SLC35A3: variants seen among roughly 807,000 people sequenced by gnomAD.
SLC35A3 encodes UDP-N-acetylglucosamine transporter.
In SLC35A3, 26 loss-of-function variants were observed where a neutral mutation model predicts 39.0. The ratio of observed to expected loss-of-function variants is 0.67; its 90% CI spans 0.49 to 0.92. The LOEUF (loss-of-function observed/expected upper bound fraction) is 0.92. Ranked by LOEUF, SLC35A3 falls within the 40% of genes least tolerant of loss-of-function variation. The pLI, the probability that SLC35A3 is intolerant of heterozygous loss-of-function variation, is 0.00. For missense variants in SLC35A3, 299 were observed against 371.6 expected (o/e 0.80, Z 1.61); for synonymous variants, 135 against 133.1 (o/e 1.01, Z -0.10).
intron 1 of SLC35A3, among the ~76,000 whole-genome samples, chr1:99,981,169 A>G (rs72965756): frequency 8.9e-4 from 136 of 152,218 alleles, no homozygotes; most frequent in African/African-American, 3.1e-3. Flanking sequence ...CTGTTGATTT[A>G]TTTGGAAAAA....
intron 1 of SLC35A3, chr1:99,978,949 T>C (rs1446054414): frequency 1.3e-5 from 2 of 152,212 alleles, no homozygotes; most frequent in Non-Finnish European, 1.5e-5. Flanking sequence ...GTGTTCCCTT[T>C]GGCAGCACAT....
chr1:99,989,309 G>A (rs150893339), intron 1 of SLC35A3, among the ~76,000 whole-genome samples: 1 of 151,984 alleles, frequency 6.6e-6, no homozygotes. Flanking sequence ...TTGAGATGGA[G>A]TTTTACTCTT....
chr1:99,984,780 G>A (rs948594008), intron 1 of SLC35A3, among the ~76,000 whole-genome samples: 6 of 152,072 alleles, frequency 3.9e-5, no homozygotes, highest in Non-Finnish European at 8.8e-5. Flanking sequence ...GGCTGTTCTT[G>A]CAGGATTAAA....
chr1:100,010,249 A>G (rs1379177337), intron 4 of SLC35A3, among the ~76,000 whole-genome samples: 1 of 152,236 alleles, frequency 6.6e-6, no homozygotes, highest in Non-Finnish European at 1.5e-5. Context: ...TCAAGAGGTA[A>G]GGAATGAATA....
In SLC35A3 at chr1:99,997,410, TTATATATATATATATATATATATA is replaced by T. The variant is rs71970416; in HGVS notation, c.188-1827_188-1804del. ...ACAGTTATATGTTTTATATATAGTT[TTATATATATATATATATATATATA>T]TATATATATATATATATATATATGG... On this transcript the variant is annotated intron_variant, in intron 2 of 7. Coordinates refer to ENST00000533028, the MANE Select transcript of SLC35A3 (RefSeq NM_012243.3). Among the ~76,000 whole-genome samples the T allele has an allele frequency of 1.1e-3, 104 of 92,104 alleles. 5 individuals carry two copies. Among genetic ancestry groups the T allele is most frequent in the African/African-American group, 2.3e-3 (43 of 18,654 alleles). The allele number at this position is 92,104 out of a possible 152,430, so 60.4% of individuals were successfully genotyped here. A position where few individuals can be genotyped will look rare whatever the true frequency, so the allele number is the denominator to read the frequency against.
intron 6 of SLC35A3, among the ~76,000 whole-genome samples, chr1:100,016,883 A>T (rs1055269702): frequency 6.6e-6 from 1 of 152,230 alleles, no homozygotes; most frequent in Non-Finnish European, 1.5e-5. Context: ...TATAACTGGT[A>T]TGAAGGATTC....
At chr1:100,007,240 A>G in intron 4 of SLC35A3, 84 bp downstream of exon 4, 3 of 1,272,268 alleles carry the variant, frequency 2.4e-6, no homozygotes, top group African/African-American at 1.5e-5. Flanking sequence ...ATATGGTTCT[A>G]TTGATTGTTG....
chr1:99,993,473 T>C (rs1257313682), intron 1 of SLC35A3, 64 bp from the exon 2 acceptor site: 4 of 1,393,092 alleles, frequency 2.9e-6, no homozygotes, highest in Non-Finnish European at 4.0e-6. Context: ...CTCGGTGTTT[T>C]TAAATATACT....
At chr1:100,011,863 C>T (rs1034859771) in intron 5 of SLC35A3, among the ~76,000 whole-genome samples, 10 of 151,548 alleles carry the variant, frequency 6.6e-5, no homozygotes, top group Middle Eastern at 3.4e-3. Context: ...AGACTATAGG[C>T]GCCCGCCACC....
chr1:99,979,900 C>T (rs1335968627), intron 1 of SLC35A3, among the ~76,000 whole-genome samples: 5 of 151,700 alleles, frequency 3.3e-5, no homozygotes, highest in Admixed American at 6.6e-5. Context: ...AAAAATTAGC[C>T]GGACATGGTG....
Position 99,993,552 on chromosome 1 carries a change from A to G in SLC35A3, c.-3A>G, listed in dbSNP as rs201065812. The G allele has an allele frequency of 9.0e-5, 145 of 1,613,702 alleles. No individual in the cohort carries two copies. The Middle Eastern group carries it at 9.9e-4, about 11-fold the overall frequency. ...TGTTTTTCAGGCAAATGAAGATAAA[A>G]CAATGTTCGCCAACCTAAAATACGT... is the stretch of plus-strand genomic sequence containing the variant. On this transcript the variant is annotated 5_prime_UTR_variant, in exon 2 of 8. Coordinates refer to ENST00000533028, the MANE Select transcript of SLC35A3 (RefSeq NM_012243.3).
At chr1:100,008,163 G>A (rs1659376843) in intron 4 of SLC35A3, 1 of 151,922 alleles carries the variant, frequency 6.6e-6, no homozygotes, top group Admixed American at 6.6e-5. Flanking sequence ...ATGTTGGCCA[G>A]GCTGGTCTCG....
intron 2 of SLC35A3, among the ~76,000 whole-genome samples, chr1:99,998,542 CT>C (rs1396278039): frequency 3.3e-5 from 5 of 152,176 alleles, no homozygotes; most frequent in African/African-American, 1.2e-4. Context: ...ACCCCAGGGA[CT>C]TTTCCCTTCC....
At chr1:99,976,545 A>G (rs1343256747) in intron 1 of SLC35A3, among the ~76,000 whole-genome samples, 1 of 152,200 alleles carries the variant, frequency 6.6e-6, no homozygotes, top group Non-Finnish European at 1.5e-5. Flanking sequence ...ACAATAGCAA[A>G]GACATAGAAT....
In SLC35A3 at chr1:100,031,671, T is replaced by C. The variant is rs1161339271; in HGVS notation, c.*9195T>C. On this transcript the variant is annotated 3_prime_UTR_variant, in exon 8 of 8. Coordinates refer to ENST00000533028, the MANE Select transcript of SLC35A3 (RefSeq NM_012243.3). ...GCATTTGGCTGAAAAAAAATCTGCA[T>C]ATAAGTGGACCCATGCAGTTCAAAT... The C allele has an allele frequency of 6.6e-6, 1 of 152,312 alleles. No homozygotes were observed. The highest frequency in any genetic ancestry group is 1.5e-5 in the Non-Finnish European group (1 of 68,022). The allele number at this position is 152,312 out of a possible 1,614,324, so 9.4% of individuals were successfully genotyped here. A position where few individuals can be genotyped will look rare whatever the true frequency, so the allele number is the denominator to read the frequency against.
chr1:100,024,898 T>TAGTC lies in SLC35A3; in HGVS notation c.*2422_*2423insAGTC. On this transcript the variant is annotated 3_prime_UTR_variant, in exon 8 of 8. Transcript: ENST00000533028. ...ACAGAATTGGCTCAAAAATACTATG[T>TAGTC]TACAGACTGTTGGGTACCCTTGCCT... The TAGTC allele has an allele frequency of 2.8e-6, 1 of 360,956 alleles. No individual in the cohort carries two copies. The highest frequency in any genetic ancestry group is 4.0e-5 in the East Asian group (1 of 24,890). 22.4% of individuals were successfully genotyped at this position (360,956 alleles called of 1,614,324 possible). A position where few individuals can be genotyped will look rare whatever the true frequency, so the allele number is the denominator to read the frequency against.
At chr1:100,022,176 T>C (rs1261774654) in intron 7 of SLC35A3, among the ~76,000 whole-genome samples, 3 of 152,218 alleles carry the variant, frequency 2.0e-5, no homozygotes, top group African/African-American at 7.2e-5. Flanking sequence ...TAATACATCT[T>C]CATAGATTTG....
rs748748971 is a variant in SLC35A3 at position 100,008,188 on chromosome 1, T to C, written c.465+1032T>C. ...GGCTGGTCTCGAACTCCTGACCTCATGATCCACCCTCCTCAGCCTCCTAAA... is the reference window on the plus strand; with the variant it reads ...GGCTGGTCTCGAACTCCTGACCTCACGATCCACCCTCCTCAGCCTCCTAAA... On this transcript the variant is annotated intron_variant, in intron 4 of 7. Transcript: ENST00000533028. 3.9e-5 allele frequency: 6 copies of C among 152,136 alleles called. No individual in the cohort carries two copies. In the South Asian group the frequency reaches 1.2e-3, roughly 32 times the overall value. 9.4% of individuals were successfully genotyped at this position (152,136 alleles called of 1,614,324 possible).
chr1:99,977,426 C>T (rs1657175857), intron 1 of SLC35A3, among the ~76,000 whole-genome samples: 1 of 150,790 alleles, frequency 6.6e-6, no homozygotes, highest in African/African-American at 2.4e-5. Context: ...CTCAGCATCT[C>T]AGCTACTCGG....
Sources: gnomAD v4.1 joint callset for allele counts (sites outside exome capture counted in the v4.1 genomes callset) on GRCh38, gnomAD v4.1.1 for gene constraint, MANE v1.5 for transcripts, NCBI Gene and HGNC (gene_info 2026-07-23, HGNC 2026-07-21) for gene names.